CACNA2D3: variants seen among roughly 807,000 people sequenced by gnomAD.
CACNA2D3 encodes calcium voltage-gated channel auxiliary subunit alpha2delta 3.
CACNA2D3 carries 60 observed loss-of-function variants against 160.6 expected under a neutral mutation model. The ratio of observed to expected loss-of-function variants is 0.37; its 90% confidence interval spans 0.30 to 0.46. CACNA2D3 has a LOEUF of 0.46. Ranked by LOEUF, CACNA2D3 falls within the 20% of genes least tolerant of loss-of-function variation. The probability of loss-of-function intolerance (pLI) is 1.00; values close to 1 mark genes in which losing one functional copy is unlikely to be tolerated. For missense variants in CACNA2D3, 1,205 were observed against 1,365.0 expected (o/e 0.88, Z 1.85); for synonymous variants, 558 against 492.9 (o/e 1.13, Z -1.75).
chr3:54,215,307 C>A (rs1701440850), intron 2 of CACNA2D3, among the ~76,000 whole-genome samples: 1 of 152,210 alleles, frequency 6.6e-6, no homozygotes, highest in African/African-American at 2.4e-5. Flanking sequence ...TTAACATCTC[C>A]ATCACCTCAC....
At chr3:54,904,370 G>A (rs1700407828) in intron 27 of CACNA2D3, among the ~76,000 whole-genome samples, 1 of 152,144 alleles carries the variant, frequency 6.6e-6, no homozygotes, top group Non-Finnish European at 1.5e-5. Flanking sequence ...AAGATGGAAG[G>A]TGTGGCCCTG....
At chr3:54,184,982 A>G (rs191611797) in intron 2 of CACNA2D3, among the ~76,000 whole-genome samples, 1 of 152,334 alleles carries the variant, frequency 6.6e-6, no homozygotes, top group Non-Finnish European at 1.5e-5. Context: ...GCGTTGTGTG[A>G]CTACCCCAAA....
rs1037227214 is a variant in CACNA2D3, at chr3:54,646,837, G to A, written c.1167+4596G>A. On this transcript the variant is annotated intron_variant, in intron 11 of 37. Coordinates refer to ENST00000474759, the MANE Select transcript of CACNA2D3 (RefSeq NM_018398.3). ...CTAGCTCCTTGAGGAATAACCACACGGTCTTCCACAATGGTTGAACTAATT... is the reference window on the plus strand; with the variant it reads ...CTAGCTCCTTGAGGAATAACCACACAGTCTTCCACAATGGTTGAACTAATT... Among the ~76,000 whole-genome samples, 9 of 152,050 alleles carry A rather than the reference G, an allele frequency of 5.9e-5. No individual in the cohort carries two copies. The East Asian group carries it at 7.7e-4, about 13-fold the overall frequency.
At chr3:54,871,078 A>ACACACC (rs1380453468) in intron 17 of CACNA2D3, among the ~76,000 whole-genome samples, 1 of 108,142 alleles carries the variant, frequency 9.2e-6, no homozygotes, top group Non-Finnish European at 1.9e-5. Context: ...ACACACACAC[A>ACACACC]CACACACACA....
chr3:54,343,844 T>C (rs920816059), intron 3 of CACNA2D3, among the ~76,000 whole-genome samples: 2 of 152,214 alleles, frequency 1.3e-5, no homozygotes, highest in African/African-American at 4.8e-5. Context: ...GGAGTAAATA[T>C]TGAAATATCT....
At chr3:54,558,864 G>A (rs1702280439) in intron 5 of CACNA2D3, among the ~76,000 whole-genome samples, 2 of 152,172 alleles carry the variant, frequency 1.3e-5, no homozygotes, top group Admixed American at 1.3e-4. Flanking sequence ...CCCCTTAGTA[G>A]TTGGATGCTT....
At chr3:54,830,474 A>G (rs1186072185) in intron 14 of CACNA2D3, among the ~76,000 whole-genome samples, 2 of 142,146 alleles carry the variant, frequency 1.4e-5, no homozygotes, top group East Asian at 2.1e-4. Context: ...TTTGAGATGG[A>G]GTCTTACTCT....
At chr3:54,367,224 T>C (rs1698841726) in intron 3 of CACNA2D3, among the ~76,000 whole-genome samples, 1 of 152,190 alleles carries the variant, frequency 6.6e-6, no homozygotes. Flanking sequence ...TAACCAATAT[T>C]TCTGTGTGCT....
chr3:54,181,119 TCAC>T (rs1039104638), intron 2 of CACNA2D3, among the ~76,000 whole-genome samples: 1 of 152,208 alleles, frequency 6.6e-6, no homozygotes, highest in African/African-American at 2.4e-5. Flanking sequence ...TATTCACCCT[TCAC>T]TTACTGTGAA....
chr3:54,243,343 G>A (rs1287996969), intron 2 of CACNA2D3, among the ~76,000 whole-genome samples: 1 of 152,232 alleles, frequency 6.6e-6, no homozygotes, highest in African/African-American at 2.4e-5. Context: ...TATATTTAGT[G>A]TGTAGTCTTC....
chr3:54,802,470 T>A (rs1195893632), intron 13 of CACNA2D3, among the ~76,000 whole-genome samples: 2 of 152,226 alleles, frequency 1.3e-5, no homozygotes, highest in Non-Finnish European at 2.9e-5. Flanking sequence ...TTGAGGAAAT[T>A]ACTCCTGAGT....
At chr3:54,827,744 A>G (rs1470673683) in intron 14 of CACNA2D3, among the ~76,000 whole-genome samples, 3 of 152,212 alleles carry the variant, frequency 2.0e-5, no homozygotes, top group Non-Finnish European at 2.9e-5. Context: ...GAATTCTGGT[A>G]CTAATTTTCT....
At chr3:54,824,890 TA>T (rs1269724072) in intron 14 of CACNA2D3, among the ~76,000 whole-genome samples, 1 of 152,214 alleles carries the variant, frequency 6.6e-6, no homozygotes, top group African/African-American at 2.4e-5. Context: ...TGGTTTCTTT[TA>T]AAAATAGGCA....
intron 18 of CACNA2D3, among the ~76,000 whole-genome samples, chr3:54,872,792 A>G (rs1017018303): frequency 5.3e-5 from 8 of 152,302 alleles, no homozygotes; most frequent in African/African-American, 1.9e-4. Context: ...TTGCCATTTG[A>G]TAAAAGCTCC....
intron 11 of CACNA2D3, among the ~76,000 whole-genome samples, chr3:54,743,845 G>A (rs1701699504): frequency 1.3e-5 from 2 of 152,196 alleles, no homozygotes; most frequent in African/African-American, 2.4e-5. Flanking sequence ...GCAGCCTGAA[G>A]CTTGGAGACA....
Position 54,838,455 on chromosome 3 carries a change from CTG to C in CACNA2D3, c.1471-111_1471-110del, listed in dbSNP as rs1698744310. On this transcript the variant is annotated intron_variant, in intron 15 of 37. Transcript: ENST00000474759. ...TTGGAGATATGGGTTAATCCTCAAT[CTG>C]TATCAGTTTGGGGAAGGCACCAGGC... 4 of 813,504 alleles carry C rather than the reference CTG, an allele frequency of 4.9e-6. No individual in the cohort carries two copies. The Admixed American group carries it at 7.2e-5, about 15-fold the overall frequency. The allele number at this position is 813,504 out of a possible 1,614,324, so 50.4% of individuals were successfully genotyped here.
intron 28 of CACNA2D3, 124 bp from the exon 29 acceptor site, chr3:54,969,676 G>A: frequency 1.5e-6 from 1 of 676,206 alleles, no homozygotes; most frequent in South Asian, 1.9e-5. Flanking sequence ...ATGAAATTGG[G>A]TATTTGAATT....
intron 11 of CACNA2D3, among the ~76,000 whole-genome samples, chr3:54,717,934 A>G (rs567478550): frequency 6.6e-6 from 1 of 152,124 alleles, no homozygotes; most frequent in South Asian, 2.1e-4. Flanking sequence ...AAGTATCTTA[A>G]TTCCCATCCC....
At chr3:54,412,610 CT>C (rs774491527) in intron 4 of CACNA2D3, among the ~76,000 whole-genome samples, 39 of 120,534 alleles carry the variant, frequency 3.2e-4, no homozygotes, top group Admixed American at 5.1e-4. Context: ...TGGTCTTGTT[CT>C]TTTTTTTTTT....
Sources: allele counts gnomAD v4.1 joint callset (sites outside exome capture counted in the v4.1 genomes callset), GRCh38; gene constraint gnomAD v4.1.1; transcripts MANE v1.5; gene names NCBI Gene and HGNC (gene_info 2026-07-23, HGNC 2026-07-21).